CMIP: variants seen among roughly 807,000 people sequenced by gnomAD.
CMIP encodes the protein c-Maf inducing protein, also known as C-Maf-inducing protein.
CMIP carries 13 observed loss-of-function variants against 97.3 expected under a neutral mutation model. The observed-to-expected ratio is 0.13, with a 90% CI of 0.09 to 0.21. The LOEUF is 0.21. Among genes scored for constraint, CMIP ranks in the 10% least tolerant of loss-of-function variants. The pLI, the probability that CMIP is intolerant of heterozygous loss-of-function variation, is 1.00. For missense variants in CMIP, 847 were observed against 1,024.9 expected (o/e 0.83, Z 2.37); for synonymous variants, 538 against 436.3 (o/e 1.23, Z -2.91).
chr16:81,504,662 A>AAAG (rs1555524042), intron 1 of CMIP, among the ~76,000 whole-genome samples: 18 of 142,590 alleles, frequency 1.3e-4, no homozygotes, highest in South Asian at 9.4e-4. Flanking sequence ...AAAAAAAAAA[A>AAAG]AAAAGAAAAG....
At chr16:81,587,494 G>C (rs2091401637) in intron 1 of CMIP, among the ~76,000 whole-genome samples, 1 of 152,238 alleles carries the variant, frequency 6.6e-6, no homozygotes, top group Admixed American at 6.5e-5. Flanking sequence ...TGCTTCCCCA[G>C]CTGCTGCACA....
intron 14 of CMIP, chr16:81,697,897 G>C (rs905888013): frequency 1.3e-5 from 2 of 152,468 alleles, no homozygotes. Context: ...GAACATGCCT[G>C]CCCCTGCCAG....
At chr16:81,562,051 A>G (rs990699980) in intron 1 of CMIP, among the ~76,000 whole-genome samples, 11 of 152,214 alleles carry the variant, frequency 7.2e-5, no homozygotes, top group Non-Finnish European at 1.2e-4. Flanking sequence ...AGAGGGCAGG[A>G]CACACTCGTG....
intron 1 of CMIP, among the ~76,000 whole-genome samples, chr16:81,456,564 C>A (rs1906560361): frequency 6.6e-6 from 1 of 151,934 alleles, no homozygotes; most frequent in African/African-American, 2.4e-5. Context: ...GATGTACATT[C>A]ATCTAATCCT....
At chr16:81,692,367 C>T (rs1212838713) in intron 11 of CMIP, among the ~76,000 whole-genome samples, 3 of 152,168 alleles carry the variant, frequency 2.0e-5, no homozygotes, top group Non-Finnish European at 4.4e-5. Flanking sequence ...CTTGCCGGCC[C>T]CTAGCACCAT....
intron 3 of CMIP, among the ~76,000 whole-genome samples, chr16:81,643,473 G>A (rs1455597861): frequency 6.6e-6 from 1 of 152,196 alleles, no homozygotes; most frequent in Non-Finnish European, 1.5e-5. Context: ...TGTGCTAAAC[G>A]CCGCTGAAGT....
intron 13 of CMIP, among the ~76,000 whole-genome samples, chr16:81,694,879 G>A (rs1906526333): frequency 6.6e-6 from 1 of 152,254 alleles, no homozygotes; most frequent in Non-Finnish European, 1.5e-5. Context: ...GGAAAAAGGA[G>A]AAACGGTGGA....
intron 1 of CMIP, among the ~76,000 whole-genome samples, chr16:81,460,760 C>T (rs556869525): frequency 2.1e-4 from 32 of 152,218 alleles, no homozygotes; most frequent in Admixed American, 1.8e-3. Flanking sequence ...TCATGCTGAA[C>T]GTGGGAGAAA....
chr16:81,569,585 C>A (rs567442846), intron 1 of CMIP, among the ~76,000 whole-genome samples: 2 of 152,352 alleles, frequency 1.3e-5, no homozygotes, highest in African/African-American at 4.8e-5. Flanking sequence ...CAGAGAGAGG[C>A]GGCAGCAACT....
Position 81,710,309 on chromosome 16 carries a change from A to T in CMIP, c.*510A>T. On this transcript the variant is annotated 3_prime_UTR_variant, in exon 21 of 21. Transcript: ENST00000537098. The stretch of plus-strand genomic sequence containing the variant: ...GTCCTCACCATTGCTATGCAAAGTG[A>T]TTCTTGTTGTACATAAGATTTAAAT... 6.2e-6 allele frequency: 1 copy of T among 160,996 alleles called. No individual in the cohort carries two copies. Among genetic ancestry groups the T allele is most frequent in the Non-Finnish European group, 1.4e-5 (1 of 72,348 alleles). The allele number at this position is 160,996 out of a possible 1,614,324, so 10.0% of individuals were successfully genotyped here.
chr16:81,573,351 A>T (rs943850641), intron 1 of CMIP, among the ~76,000 whole-genome samples: 2 of 142,838 alleles, frequency 1.4e-5, no homozygotes, highest in Non-Finnish European at 3.1e-5. Context: ...CTCAAAAAAT[A>T]AAAAAAAAAA....
At chr16:81,672,867 T>C (rs2092695528) in intron 9 of CMIP, among the ~76,000 whole-genome samples, 1 of 152,254 alleles carries the variant, frequency 6.6e-6, no homozygotes, top group South Asian at 2.1e-4. Flanking sequence ...CATGAGCCAT[T>C]GCATCTGTTT....
chr16:81,703,335 G>A (rs1015287196), intron 17 of CMIP, among the ~76,000 whole-genome samples: 4 of 152,056 alleles, frequency 2.6e-5, no homozygotes, highest in African/African-American at 9.7e-5. Context: ...GAGTGTGGAG[G>A]TTGTCTTAGG....
chr16:81,602,715 T>C (rs2091678315), intron 1 of CMIP, among the ~76,000 whole-genome samples: 1 of 152,224 alleles, frequency 6.6e-6, no homozygotes, highest in Non-Finnish European at 1.5e-5. Context: ...AAAAAATTTT[T>C]CGTCTGCTTA....
rs112297863 is a variant in CMIP at position 81,453,266 on chromosome 16, G to C, written c.300+7725G>C. On this transcript the variant is annotated intron_variant, in intron 1 of 20. Coordinates refer to ENST00000537098, the MANE Select transcript of CMIP (RefSeq NM_198390.3). This position sits in a 1 kb window ranked among gnomAD's most constrained non-coding sequence, Gnocchi z 4.0. ...CGGAGCGACTAAACTGATTGTGCTG[G>C]GCGAACTCTTTTTGGAGGGAAGCAC... is the stretch of plus-strand genomic sequence containing the variant. Among the ~76,000 whole-genome samples, 1,691 of 152,302 alleles carry C rather than the reference G, an allele frequency of 0.011. 38 individuals carry two copies. Among genetic ancestry groups the C allele is most frequent in the African/African-American group, 0.038 (1,591 of 41,546 alleles).
intron 2 of CMIP, chr16:81,620,672 TA>T (rs2091980555): frequency 1.8e-6 from 1 of 570,316 alleles, no homozygotes; most frequent in African/African-American, 1.9e-5. Flanking sequence ...GTCTTGTTTT[TA>T]GGAAATCCTC....
chr16:81,448,548 C>A (rs986832034), intron 1 of CMIP, among the ~76,000 whole-genome samples: 1 of 152,150 alleles, frequency 6.6e-6, no homozygotes, highest in African/African-American at 2.4e-5. Flanking sequence ...GCAGCCTCAC[C>A]CGCCTGGCCT....
At chr16:81,480,586 C>G (rs1331386722) in intron 1 of CMIP, among the ~76,000 whole-genome samples, 2 of 152,214 alleles carry the variant, frequency 1.3e-5, no homozygotes, top group Non-Finnish European at 2.9e-5. Flanking sequence ...CTGACCCATT[C>G]TGCTGCTCCA....
chr16:81,475,675 C>T (rs766464075), intron 1 of CMIP, among the ~76,000 whole-genome samples: 3 of 152,210 alleles, frequency 2.0e-5, no homozygotes, highest in South Asian at 2.1e-4. Context: ...ACAGAAGGAA[C>T]GGTCTGATGG....
Sources: gnomAD v4.1 joint callset for allele counts (sites outside exome capture counted in the v4.1 genomes callset) on GRCh38, gnomAD v4.1.1 for gene constraint, Gnocchi (gnomAD v3.1) non-coding constraint, MANE v1.5 for transcripts, NCBI Gene and HGNC (gene_info 2026-07-23, HGNC 2026-07-21) for gene names.